Variants in SLC26A3 observed in about 807,000 individuals in gnomAD.
The protein encoded by SLC26A3 is chloride anion exchanger.
In SLC26A3, 64 loss-of-function variants were observed where a neutral mutation model predicts 85.6. That is an observed-to-expected ratio of 0.75 (90% CI 0.61 to 0.92). SLC26A3 has a LOEUF of 0.92. Among genes scored for constraint, SLC26A3 ranks in the 40% least tolerant of loss-of-function variants. The probability of loss-of-function intolerance (pLI) is 0.00; values close to 1 mark genes in which losing one functional copy is unlikely to be tolerated. For synonymous variants in SLC26A3, 349 were observed against 336.0 expected (o/e 1.04, Z -0.42); for missense variants, 922 against 927.3 (o/e 0.99, Z 0.07).
intron 1 of SLC26A3, among the ~76,000 whole-genome samples, chr7:107,797,672 G>C (rs1483881972): frequency 6.6e-6 from 1 of 150,790 alleles, no homozygotes; most frequent in African/African-American, 2.5e-5. Context: ...CTGCTGAAGA[G>C]ATGTTCCAGA....
intron 18 of SLC26A3, 76 bp from the exon 19 acceptor site, chr7:107,767,984 T>C: frequency 7.2e-7 from 1 of 1,381,338 alleles, no homozygotes; most frequent in Non-Finnish European, 1.0e-6. Flanking sequence ...GCTAGTAATT[T>C]CACCTTCCAT....
intron 1 of SLC26A3, among the ~76,000 whole-genome samples, chr7:107,796,211 C>T (rs113222661): frequency 2.6e-5 from 4 of 151,870 alleles, no homozygotes; most frequent in East Asian, 1.9e-4. Context: ...TAGGCTCAAG[C>T]GGTCCTCCTG....
chr7:107,802,497 G>T (rs1286471613), intron 1 of SLC26A3, among the ~76,000 whole-genome samples: 1 of 151,846 alleles, frequency 6.6e-6, no homozygotes, highest in Non-Finnish European at 1.5e-5. Context: ...ATGTCTAGCA[G>T]ATAAATCTCT....
At chr7:107,788,350 A>G (rs1221729085) in intron 6 of SLC26A3, among the ~76,000 whole-genome samples, 2 of 152,206 alleles carry the variant, frequency 1.3e-5, no homozygotes, top group Admixed American at 6.5e-5. Flanking sequence ...CCCAAGTTTT[A>G]AAACTAAGAA....
At chr7:107,773,322 A>G (rs1199609588) in intron 17 of SLC26A3, among the ~76,000 whole-genome samples, 1 of 152,218 alleles carries the variant, frequency 6.6e-6, no homozygotes, top group Non-Finnish European at 1.5e-5. Flanking sequence ...AGATTTGAGA[A>G]CACCACAGAA....
chr7:107,792,879 C>T (rs1281554043), intron 3 of SLC26A3, among the ~76,000 whole-genome samples: 1 of 152,244 alleles, frequency 6.6e-6, no homozygotes. Context: ...AGAAACAACA[C>T]TTGCAACTCC....
Position 107,776,457 on chromosome 7 carries a change from C to A in SLC26A3, c.1672G>T (p.Asp558Tyr). ...NIGFFRRKLI[D>Y]AVGFSPLRIL... is the part of the protein sequence containing the mutation. ...TAAATAACCCCAAACCTTACAGCAT[C>A]GATAAGTTTCCGCCTAAAGAAACCA... Residue 558 changes from aspartate (D) to tyrosine (Y), a missense_variant, in exon 15 of 21, where the codon GAT becomes TAT. Coordinates refer to ENST00000340010, the MANE Select transcript of SLC26A3 (RefSeq NM_000111.3). 1 of 1,612,250 alleles carries A rather than the reference C, an allele frequency of 6.2e-7. No homozygotes were observed. The highest frequency in any genetic ancestry group is 2.2e-5 in the East Asian group (1 of 44,856).
intron 4 of SLC26A3, 30 bp downstream of exon 4, chr7:107,791,800 G>T: frequency 7.5e-7 from 1 of 1,334,286 alleles, no homozygotes; most frequent in South Asian, 1.2e-5. Flanking sequence ...AAAACAATGT[G>T]AGCATTAATC....
chr7:107,783,168 G>C (rs1250194684), intron 9 of SLC26A3, 37 bp downstream of exon 9: 6 of 1,613,990 alleles, frequency 3.7e-6, no homozygotes, highest in Non-Finnish European at 5.1e-6. Flanking sequence ...ATTATTTAAA[G>C]TTGCCCAGTG....
intron 6 of SLC26A3, among the ~76,000 whole-genome samples, chr7:107,788,213 G>A (rs1451412782): frequency 3.3e-5 from 5 of 152,062 alleles, no homozygotes; most frequent in South Asian, 2.1e-4. Flanking sequence ...TTTGGGAGTC[G>A]TTAAAAATCA....
Position 107,794,583 on chromosome 7 carries a change from G to C in SLC26A3, c.-74C>G. The C allele has an allele frequency of 6.4e-7, 1 of 1,572,612 alleles. No homozygotes were observed. The highest frequency in any genetic ancestry group is 1.7e-5 in the Admixed American group (1 of 59,898). ...TGGTGAACACTTCTTCTTGCCTTTA[G>C]CAGGTTAAAAATGCCTGAAACCAAA... On this transcript the variant is annotated 5_prime_UTR_variant, in exon 2 of 21. Coordinates refer to ENST00000340010, the MANE Select transcript of SLC26A3 (RefSeq NM_000111.3).
chr7:107,794,390 T>A lies in SLC26A3; in HGVS notation c.120A>T (p.Lys40Asn), dbSNP rs746365141. The A allele has an allele frequency of 8.7e-6, 14 of 1,614,018 alleles. No individual in the cohort carries two copies. In the East Asian group the frequency reaches 3.1e-4, roughly 36 times the overall value. ...RHHKTFLDHLKVCCSCSPQKA... is the reference protein window; with the variant it reads ...RHHKTFLDHLNVCCSCSPQKA... ...AAAAAATATCTTACCTACAACACACTTTGAGATGATCCAGAAATGTCTTAT... is the reference window on the plus strand; with the variant it reads ...AAAAAATATCTTACCTACAACACACATTGAGATGATCCAGAAATGTCTTAT... Residue 40 changes from lysine to asparagine, a missense_variant, in exon 2 of 21, where the codon AAA (lysine) becomes AAT (asparagine). By Grantham distance (94) the Lys-to-Asn change is moderately conservative (BLOSUM62 0). Transcript: ENST00000340010.
In SLC26A3 at chr7:107,791,897, C is replaced by T; in HGVS notation, c.315G>A (p.Gly105=). 1 of 1,613,796 alleles carries T rather than the reference C, an allele frequency of 6.2e-7. No homozygotes were observed. Among genetic ancestry groups the T allele is most frequent in the African/African-American group, 1.3e-5 (1 of 75,024 alleles). The change falls in exon 4 of 21, where the codon GGG becomes GGA. Residue 105 remains glycine, a synonymous_variant. Coordinates refer to ENST00000340010, the MANE Select transcript of SLC26A3 (RefSeq NM_000111.3). The part of the protein sequence containing the change: ...ALLVDIPPVY[G]LYASFFPAII... ...TGGCTGGGAAAAAGGATGCATACAA[C>T]CCATAGACTGGGGGAATGTCGACCA...
At chr7:107,796,946 T>C (rs1794513008) in intron 1 of SLC26A3, among the ~76,000 whole-genome samples, 1 of 152,256 alleles carries the variant, frequency 6.6e-6, no homozygotes, top group African/African-American at 2.4e-5. Flanking sequence ...TTGAAGGTAC[T>C]TTTATTCTTC....
At chr7:107,789,251 G>C (rs1007820228) in intron 6 of SLC26A3, among the ~76,000 whole-genome samples, 1 of 151,208 alleles carries the variant, frequency 6.6e-6, no homozygotes, top group African/African-American at 2.4e-5. Context: ...GGAGTAGCTG[G>C]GACTACAGGT....
At chr7:107,770,019 TTTCTTTCTTTCTTTCTTTC>T (rs1793983122) in intron 18 of SLC26A3, among the ~76,000 whole-genome samples, 2 of 39,062 alleles carry the variant, frequency 5.1e-5, no homozygotes, top group African/African-American at 4.7e-4. Flanking sequence ...TCTTTCTTTC[TTTCTTTCTTTCTTTCTTTC>T]TTTCTTTCTT....
intron 6 of SLC26A3, among the ~76,000 whole-genome samples, chr7:107,788,548 A>G (rs1344147215): frequency 2.0e-5 from 3 of 152,124 alleles, no homozygotes; most frequent in Non-Finnish European, 4.4e-5. Context: ...TTTCTTTCAA[A>G]ATAAGATTTT....
intron 8 of SLC26A3, 36 bp downstream of exon 8, chr7:107,786,791 A>G: frequency 6.6e-7 from 1 of 1,522,642 alleles, no homozygotes; most frequent in Non-Finnish European, 9.1e-7. Context: ...CTCTCTGCTT[A>G]GTGCATGGTG....
chr7:107,780,823 G>A (rs906794456), intron 11 of SLC26A3, among the ~76,000 whole-genome samples: 2 of 152,070 alleles, frequency 1.3e-5, no homozygotes, highest in African/African-American at 4.8e-5. Context: ...GTTAAAAAAT[G>A]GTGAAAATTG....
Sources: gnomAD v4.1 joint callset for allele counts (sites outside exome capture counted in the v4.1 genomes callset) on GRCh38, gnomAD v4.1.1 for gene constraint, MANE v1.5 for transcripts, NCBI Gene and HGNC (gene_info 2026-07-23, HGNC 2026-07-21) for gene names.